ZNF800: variants seen among roughly 807,000 people sequenced by gnomAD.
The protein encoded by ZNF800 is zinc finger protein 800.
ZNF800 carries 13 observed loss-of-function variants against 59.5 expected under a neutral mutation model. The ratio of observed to expected loss-of-function variants is 0.22; its 90% CI spans 0.14 to 0.35. The LOEUF is 0.35. Ranked by LOEUF, ZNF800 falls within the 10% of genes least tolerant of loss-of-function variation. ZNF800 has a pLI of 1.00. For missense variants in ZNF800, 621 were observed against 783.7 expected, an observed-to-expected ratio of 0.79 and a Z score of 2.48; for synonymous variants, 266 against 265.7, an observed-to-expected ratio of 1.00 and a Z score of -0.01.
chr7:127,354,147 T>G (rs1239405135), intron 1 of ZNF800, among the ~76,000 whole-genome samples: 1 of 152,180 alleles, frequency 6.6e-6, no homozygotes, highest in African/African-American at 2.4e-5. Flanking sequence ...CATCTGCCAA[T>G]TCTTTCTCAA....
rs17865449 is a variant in ZNF800 at position 127,350,904 on chromosome 7, G to A, written n.225-2861C>T. On this transcript the variant is annotated intron_variant and non_coding_transcript_variant, in intron 1 of 1. Coordinates refer to the ZNF800 transcript ENST00000485577. Reference sequence around the variant, plus strand: ...TTCTTCTTCCATTTGAATATTTATTGAGAACGAATATTTTGAAGATGTTGA... The same window carrying A: ...TTCTTCTTCCATTTGAATATTTATTAAGAACGAATATTTTGAAGATGTTGA... Among the ~76,000 whole-genome samples the A allele has an allele frequency of 2.6e-5, 4 of 152,314 alleles. No individual in the cohort carries two copies. In the East Asian group the frequency reaches 7.7e-4, roughly 29 times the overall value.
chr7:127,389,913 T>C (rs925415385), intron 2 of ZNF800, among the ~76,000 whole-genome samples: 2 of 152,188 alleles, frequency 1.3e-5, no homozygotes, highest in Admixed American at 6.5e-5. Flanking sequence ...AGAAAACTCA[T>C]TACCAGAACA....
At chr7:127,372,833 G>A (rs1461775371) in intron 5 of ZNF800, 1 of 985,042 alleles carries the variant, frequency 1.0e-6, no homozygotes, top group Non-Finnish European at 1.2e-6. Flanking sequence ...TTTTCTGAGT[G>A]CAGCATTTTA....
At chr7:127,361,118 A>C (rs1443710113) in intron 1 of ZNF800, 4 of 152,224 alleles carry the variant, frequency 2.6e-5, no homozygotes, top group Admixed American at 6.5e-5. Context: ...ACTAACTGCC[A>C]CAACAGGAGA....
intron 1 of ZNF800, chr7:127,363,795 G>T (rs1416486064): frequency 6.6e-6 from 1 of 152,018 alleles, no homozygotes; most frequent in Non-Finnish European, 1.5e-5. Context: ...GCCAAAAGAG[G>T]CTAAAGTGAT....
At position 127,392,253 on chromosome 7, in the gene ZNF800, G is replaced by A. The variant is rs1055018530; in HGVS notation, c.-252C>T. ...CCGGCGCTGACGCGGAAGCGCCACAGCTCACCACGTCCCTCCGCGGGCCGA... is the reference window on the plus strand; with the variant it reads ...CCGGCGCTGACGCGGAAGCGCCACAACTCACCACGTCCCTCCGCGGGCCGA... On this transcript the variant is annotated 5_prime_UTR_variant, in exon 1 of 6. Transcript: ENST00000265827. The A allele has an allele frequency of 3.6e-5, 14 of 393,496 alleles. No individual in the cohort carries two copies. The highest frequency in any genetic ancestry group is 1.3e-3 in the Middle Eastern group (2 of 1,586). 24.4% of individuals were successfully genotyped at this position (393,496 alleles called of 1,614,324 possible).
At chr7:127,375,516 C>T (rs1800768081) in intron 4 of ZNF800, among the ~76,000 whole-genome samples, 1 of 151,952 alleles carries the variant, frequency 6.6e-6, no homozygotes, top group South Asian at 2.1e-4. Flanking sequence ...CTAATCTAGT[C>T]TATTTGAGCA....
intron 2 of ZNF800, among the ~76,000 whole-genome samples, chr7:127,390,405 G>T (rs375363150): frequency 2.2e-4 from 33 of 152,298 alleles, no homozygotes; most frequent in East Asian, 1.7e-3. Flanking sequence ...ATTAGTACAG[G>T]TAAGTTATTA....
downstream of ZNF800, among the ~76,000 whole-genome samples, chr7:127,343,539 C>A (rs1800005197): frequency 6.6e-6 from 1 of 151,898 alleles, no homozygotes. Flanking sequence ...AGAGAATTGT[C>A]TTCTACTCAT....
In ZNF800 at chr7:127,392,068, T is replaced by G. The variant is rs1801344271; in HGVS notation, c.-67A>C. 1 of 389,036 alleles carries G rather than the reference T, an allele frequency of 2.6e-6. No individual in the cohort carries two copies. The highest frequency in any genetic ancestry group is 4.5e-6 in the Non-Finnish European group (1 of 220,392). 24.1% of individuals were successfully genotyped at this position (389,036 alleles called of 1,614,324 possible). A position where few individuals can be genotyped will look rare whatever the true frequency, so the allele number is the denominator to read the frequency against. On this transcript the variant is annotated 5_prime_UTR_variant, in exon 1 of 6. Transcript: ENST00000265827. ...AAGTGCGCCCAACTTACTCAACTCT[T>G]AGGGCGGGCCGGCGGGCGGGCGGAA... is the stretch of plus-strand genomic sequence containing the variant.
intron 3 of ZNF800, among the ~76,000 whole-genome samples, chr7:127,379,848 C>CCCCT (rs1800909921): frequency 2.0e-5 from 1 of 50,580 alleles, no homozygotes; most frequent in Admixed American, 1.8e-4. Flanking sequence ...CCCCCCACCC[C>CCCCT]CCCACCCCCC....
chr7:127,348,292 T>C (rs940401653), intron 1 of ZNF800, among the ~76,000 whole-genome samples: 1 of 152,064 alleles, frequency 6.6e-6, no homozygotes, highest in African/African-American at 2.4e-5. Context: ...AACCCTTAAA[T>C]GTCTGAATAC....
At chr7:127,365,182 A>C (rs149741927), downstream of ZNF800, among the ~76,000 whole-genome samples, 245 of 152,298 alleles carry the variant, frequency 1.6e-3, 2 homozygotes, top group African/African-American at 5.5e-3. Flanking sequence ...TCAATGTAGC[A>C]CTACCATGAG....
In ZNF800 at chr7:127,357,933, A is replaced by C. The variant is rs1429018686; in HGVS notation, n.225-9890T>G. Among the ~76,000 whole-genome samples, 3 of 152,000 alleles carry C rather than the reference A, an allele frequency of 2.0e-5. No homozygotes were observed. The East Asian group carries it at 5.8e-4, about 29-fold the overall frequency. On this transcript the variant is annotated intron_variant and non_coding_transcript_variant, in intron 1 of 1. Transcript: ENST00000485577. ...AAATAGGTAGGTATTATCCTAAATT[A>C]CATAATAAATGAAAAGAATCCATGT...
At chr7:127,375,873 G>A (rs1800777285) in intron 4 of ZNF800, among the ~76,000 whole-genome samples, 1 of 151,864 alleles carries the variant, frequency 6.6e-6, no homozygotes, top group Non-Finnish European at 1.5e-5. Context: ...TTCTAGTCTA[G>A]TCATCTGTCT....
chr7:127,358,130 C>A (rs1287582058), intron 1 of ZNF800, among the ~76,000 whole-genome samples: 1 of 151,862 alleles, frequency 6.6e-6, no homozygotes, highest in Admixed American at 6.6e-5. Context: ...AATTAGATAT[C>A]CCTCTACCAC....
chr7:127,356,346 A>T (rs897432589), intron 1 of ZNF800, among the ~76,000 whole-genome samples: 7 of 151,960 alleles, frequency 4.6e-5, no homozygotes, highest in African/African-American at 1.7e-4. Context: ...ATTTCTAAAA[A>T]TGTATTTCTA....
At position 127,379,836 on chromosome 7, in the gene ZNF800, A is replaced by ACCCCC. The variant is rs71179574; in HGVS notation, c.158-2512_158-2508dup. ...ACAAATGCTTCCCCTTACCCTTGCC[A>ACCCCC]CCCCCCCACCCCCCCACCCCCCCCA... On this transcript the variant is annotated intron_variant, in intron 3 of 5. Coordinates refer to ENST00000265827, the MANE Select transcript of ZNF800 (RefSeq NM_176814.5). Among the ~76,000 whole-genome samples, 246 of 27,642 alleles carry ACCCCC rather than the reference A, an allele frequency of 8.9e-3. 33 individuals carry two copies. The highest frequency in any genetic ancestry group is 0.011 in the Non-Finnish European group (169 of 15,064). 18.1% of individuals were successfully genotyped at this position (27,642 alleles called of 152,430 possible).
chr7:127,362,285 C>A (rs1381815065), intron 1 of ZNF800: 1 of 152,128 alleles, frequency 6.6e-6, no homozygotes, highest in Non-Finnish European at 1.5e-5. Flanking sequence ...TTGATTGAAT[C>A]ATTGTCAAGC....
Sources: allele counts gnomAD v4.1 joint callset (sites outside exome capture counted in the v4.1 genomes callset), GRCh38; gene constraint gnomAD v4.1.1; transcripts MANE v1.5; gene names NCBI Gene and HGNC (gene_info 2026-07-23, HGNC 2026-07-21).